The following ERBB4 variants were observed in gnomAD, a reference collection of about 807,000 sequenced individuals.
ERBB4 encodes the protein receptor tyrosine-protein kinase erbB-4.
ERBB4 carries 42 observed loss-of-function variants against 158.0 expected under a neutral mutation model. The ratio of observed to expected loss-of-function variants is 0.27; its 90% CI spans 0.21 to 0.34. ERBB4 has a LOEUF of 0.34. ERBB4 is among the 10% of genes least tolerant of loss of function. ERBB4 has a pLI of 1.00. For missense variants in ERBB4, 1,333 were observed against 1,624.1 expected, an observed-to-expected ratio of 0.82 and a Z score of 3.08; for synonymous variants, 583 against 558.7, an observed-to-expected ratio of 1.04 and a Z score of -0.61.
intron 16 of ERBB4, among the ~76,000 whole-genome samples, chr2:211,654,864 G>A (rs1189905644): frequency 2.0e-5 from 3 of 152,074 alleles, no homozygotes; most frequent in Non-Finnish European, 4.4e-5. Context: ...TACAAACAGT[G>A]ACTGGCCATG....
At chr2:212,308,065 A>C (rs568960182) in intron 1 of ERBB4, among the ~76,000 whole-genome samples, 2 of 151,172 alleles carry the variant, frequency 1.3e-5, no homozygotes, top group Non-Finnish European at 3.0e-5. Flanking sequence ...ATTCCTCCAC[A>C]ATTTTATAGA....
chr2:211,801,118 G>A (rs544917904), intron 3 of ERBB4, among the ~76,000 whole-genome samples: 77 of 152,054 alleles, frequency 5.1e-4, no homozygotes, highest in African/African-American at 1.7e-3. Flanking sequence ...TATTTGTTGA[G>A]TAATTCACAT....
chr2:211,387,264 T>A, intron 26 of ERBB4, 114 bp from the exon 27 acceptor site: 1 of 918,012 alleles, frequency 1.1e-6, no homozygotes. Flanking sequence ...AGTCATAGTA[T>A]TTACTGGTTT....
intron 1 of ERBB4, among the ~76,000 whole-genome samples, chr2:212,326,412 T>C (rs1401331710): frequency 6.6e-6 from 1 of 150,716 alleles, no homozygotes; most frequent in Non-Finnish European, 1.5e-5. Context: ...AAATGCTCAT[T>C]TAAATAAAAG....
chr2:212,490,836 T>A (rs1433367681), intron 1 of ERBB4, among the ~76,000 whole-genome samples: 2 of 151,776 alleles, frequency 1.3e-5, no homozygotes, highest in African/African-American at 4.8e-5. Flanking sequence ...TAGCAGTGTT[T>A]AGTAAATGGC....
At chr2:211,865,658 C>T (rs2078185617) in intron 3 of ERBB4, among the ~76,000 whole-genome samples, 1 of 151,992 alleles carries the variant, frequency 6.6e-6, no homozygotes, top group Non-Finnish European at 1.5e-5. Flanking sequence ...TTGGGAATAA[C>T]TAACTGTTCC....
chr2:212,188,352 T>A (rs2082093434), intron 1 of ERBB4, among the ~76,000 whole-genome samples: 1 of 148,210 alleles, frequency 6.7e-6, no homozygotes, highest in Non-Finnish European at 1.5e-5. Flanking sequence ...TAAACTCTTA[T>A]CATCTCTTGC....
chr2:211,906,924 T>C (rs1167505867), intron 3 of ERBB4, among the ~76,000 whole-genome samples: 2 of 151,692 alleles, frequency 1.3e-5, no homozygotes, highest in Non-Finnish European at 2.9e-5. Flanking sequence ...TTGGCATGTC[T>C]ATGTGCCTTA....
chr2:212,106,571 G>A (rs1246820344), intron 2 of ERBB4, among the ~76,000 whole-genome samples: 1 of 152,220 alleles, frequency 6.6e-6, no homozygotes, highest in Admixed American at 6.5e-5. Context: ...ATATTCTGAG[G>A]AGAAATCCAA....
At chr2:212,451,860 T>C (rs1172587709) in intron 1 of ERBB4, among the ~76,000 whole-genome samples, 1 of 152,140 alleles carries the variant, frequency 6.6e-6, no homozygotes, top group Non-Finnish European at 1.5e-5. Flanking sequence ...CAGCTATTCA[T>C]ATCTACAAAG....
At chr2:212,340,962 A>G (rs1384999862) in intron 1 of ERBB4, among the ~76,000 whole-genome samples, 3 of 151,390 alleles carry the variant, frequency 2.0e-5, no homozygotes, top group Non-Finnish European at 4.4e-5. Flanking sequence ...ATTTATCAAG[A>G]TCTTAAAAGG....
intron 2 of ERBB4, among the ~76,000 whole-genome samples, chr2:212,030,866 G>A (rs2076887182): frequency 6.6e-6 from 1 of 152,088 alleles, no homozygotes; most frequent in East Asian, 1.9e-4. Flanking sequence ...AATTGAGCCA[G>A]CCGTCATGGT....
chr2:211,706,145 C>A (rs1204859616), intron 9 of ERBB4, among the ~76,000 whole-genome samples: 3 of 151,866 alleles, frequency 2.0e-5, no homozygotes, highest in Non-Finnish European at 4.4e-5. Context: ...TTAATATATA[C>A]CATTTACAGA....
chr2:212,440,866 T>G (rs957610852), intron 1 of ERBB4, among the ~76,000 whole-genome samples: 4 of 152,106 alleles, frequency 2.6e-5, no homozygotes, highest in African/African-American at 9.7e-5. Context: ...TGCTCCTAAG[T>G]TTAGTGGACA....
intron 1 of ERBB4, among the ~76,000 whole-genome samples, chr2:212,136,120 A>G (rs2080263499): frequency 6.6e-6 from 1 of 152,210 alleles, no homozygotes; most frequent in Admixed American, 6.5e-5. Flanking sequence ...CTGTAATTAA[A>G]GCGGCAGTGT....
At chr2:211,677,421 C>A (rs539989962) in intron 13 of ERBB4, among the ~76,000 whole-genome samples, 7 of 151,664 alleles carry the variant, frequency 4.6e-5, no homozygotes, top group East Asian at 3.9e-4. Flanking sequence ...AAAATTAGCC[C>A]GGCATGGTGG....
At chr2:211,751,315 C>G (rs2075124695) in intron 4 of ERBB4, among the ~76,000 whole-genome samples, 1 of 152,068 alleles carries the variant, frequency 6.6e-6, no homozygotes. Context: ...GTGGCATCTT[C>G]TTCTACCATA....
chr2:211,939,473 T>G (rs1177706340), intron 3 of ERBB4, among the ~76,000 whole-genome samples: 1 of 151,992 alleles, frequency 6.6e-6, no homozygotes, highest in Non-Finnish European at 1.5e-5. Context: ...TTATCATGCC[T>G]TTGGTAAACG....
At chr2:212,437,230 A>T (rs1311828656) in intron 1 of ERBB4, among the ~76,000 whole-genome samples, 1 of 151,984 alleles carries the variant, frequency 6.6e-6, no homozygotes, top group Admixed American at 6.6e-5. Flanking sequence ...AAATACAGAG[A>T]GATTACTAAA....
Sources: gnomAD v4.1 joint callset for allele counts (sites outside exome capture counted in the v4.1 genomes callset) on GRCh38, gnomAD v4.1.1 for gene constraint, MANE v1.5 for transcripts, NCBI Gene and HGNC (gene_info 2026-07-23, HGNC 2026-07-21) for gene names.